Variants in ACO2 observed in about 807,000 individuals in gnomAD.
The protein encoded by ACO2 is aconitase 2.
ACO2 carries 31 observed loss-of-function variants against 84.5 expected under a neutral mutation model. The ratio of observed to expected loss-of-function variants is 0.37; its 90% CI spans 0.28 to 0.50. ACO2 has a LOEUF of 0.50. ACO2 is among the 20% of genes least tolerant of loss of function. ACO2 has a pLI of 0.97. For synonymous variants in ACO2, 414 were observed against 412.7 expected (o/e 1.00, Z -0.04); for missense variants, 685 against 1,029.3 (o/e 0.67, Z 4.58).
At chr22:41,493,375 G>A (rs1569006909) in intron 1 of ACO2, among the ~76,000 whole-genome samples, 1 of 152,072 alleles carries the variant, frequency 6.6e-6, no homozygotes, top group Admixed American at 6.6e-5. Context: ...AAAAAATACA[G>A]GGTAAGCATG....
rs1175993726 is a variant in ACO2, at chr22:41,500,652, T to C, written c.173+790T>C. The stretch of plus-strand genomic sequence containing the variant: ...AGCTTGCCTCGGCTTCCCAAAGTCC[T>C]GGGATTATAGACGTAAGCCACTGCG... On this transcript the variant is annotated intron_variant, in intron 2 of 17. Coordinates refer to ENST00000216254, the MANE Select transcript of ACO2 (RefSeq NM_001098.3). Among the ~76,000 whole-genome samples the C allele has an allele frequency of 2.6e-5, 4 of 152,056 alleles. No individual in the cohort carries two copies. In the East Asian group the frequency reaches 7.7e-4, roughly 29 times the overall value.
intron 1 of ACO2, among the ~76,000 whole-genome samples, chr22:41,476,124 T>G (rs544708249): frequency 5.9e-5 from 9 of 152,190 alleles, no homozygotes; most frequent in Admixed American, 2.0e-4. Context: ...TAAAGCATTG[T>G]GAGCCGGGTG....
Position 41,526,278 on chromosome 22 carries a change from C to T in ACO2, c.1778C>T (p.Thr593Ile). 6.2e-7 allele frequency: 1 copy of T among 1,612,248 alleles called. No homozygotes were observed. Among genetic ancestry groups the T allele is most frequent in the Non-Finnish European group, 8.5e-7 (1 of 1,179,956 alleles). Residue 593 changes from threonine to isoleucine, a missense_variant, in exon 15 of 18, where the codon ACC becomes ATC. Transcript: ENST00000216254. The part of the protein sequence containing the change: ...QILIKVKGKC[T>I]TDHISAAGPW... ...CCACCCAAGGTCAAAGGGAAGTGTA[C>T]CACTGACCACATCTCAGCTGCTGGC...
chr22:41,523,361 G>T, intron 11 of ACO2, 83 bp downstream of exon 11: 3 of 1,116,664 alleles, frequency 2.7e-6, no homozygotes, highest in Non-Finnish European at 3.8e-6. Flanking sequence ...TTATTGGGGT[G>T]GAGAGAAGAG....
chr22:41,500,192 G>A (rs2066343837), intron 2 of ACO2, among the ~76,000 whole-genome samples: 1 of 152,096 alleles, frequency 6.6e-6, no homozygotes, highest in Admixed American at 6.6e-5. Flanking sequence ...AAGCCACCAG[G>A]CCCAGTGCCT....
rs778052352 is a variant in ACO2, at chr22:41,523,912, G to A, written c.1453G>A (p.Glu485Lys). Residue 485 changes from glutamate to lysine, a missense_variant, in exon 12 of 18, where the codon GAG (glutamate) becomes AAG (lysine). Glu to Lys is a moderately conservative substitution (Grantham distance 56, BLOSUM62 1). Transcript: ENST00000216254. ...CACGGGCCGCAACGACGCAAACCCC[G>A]AGACCCATGCCTTTGTCACGTCCCC... ...NFTGRNDANP[E>K]THAFVTSPEI... 10 of 1,612,898 alleles carry A rather than the reference G, an allele frequency of 6.2e-6. No individual in the cohort carries two copies. Among genetic ancestry groups the A allele is most frequent in the Admixed American group, 1.7e-5 (1 of 60,002 alleles).
rs184740525 is a variant in ACO2, at chr22:41,498,531, C to T, written c.37-1195C>T. On this transcript the variant is annotated intron_variant, in intron 1 of 17. Coordinates refer to ENST00000216254, the MANE Select transcript of ACO2 (RefSeq NM_001098.3). ...ATGTCAGCCGGGGCTAGCCATCTGACGGGTTGAACCGGGGCTGGAGCATTC... is the reference window on the plus strand; with the variant it reads ...ATGTCAGCCGGGGCTAGCCATCTGATGGGTTGAACCGGGGCTGGAGCATTC... Among the ~76,000 whole-genome samples the T allele has an allele frequency of 2.9e-3, 447 of 152,272 alleles. 4 individuals are homozygous for T. Among genetic ancestry groups the T allele is most frequent in the African/African-American group, 0.01 (430 of 41,548 alleles).
At chr22:41,475,006 C>T (rs1350090739) in intron 1 of ACO2, among the ~76,000 whole-genome samples, 4 of 151,950 alleles carry the variant, frequency 2.6e-5, no homozygotes, top group African/African-American at 7.3e-5. Context: ...AGCCAGATGA[C>T]GTCAAGTGTC....
intron 1 of ACO2, among the ~76,000 whole-genome samples, chr22:41,471,337 A>G (rs1470502840): frequency 6.6e-6 from 1 of 152,210 alleles, no homozygotes. Context: ...TGCAGTTTGC[A>G]CACTGCCTCC....
At chr22:41,475,071 C>A (rs371119836) in intron 1 of ACO2, among the ~76,000 whole-genome samples, 173 of 150,188 alleles carry the variant, frequency 1.2e-3, no homozygotes, top group African/African-American at 4.1e-3. Context: ...CATGTGGACT[C>A]TGTCCTATCT....
intron 1 of ACO2, among the ~76,000 whole-genome samples, chr22:41,492,531 T>C (rs1458114845): frequency 6.6e-6 from 1 of 152,098 alleles, no homozygotes; most frequent in African/African-American, 2.4e-5. Flanking sequence ...CCGAATACTT[T>C]GAGAGGCAGA....
chr22:41,471,534 A>G (rs374080894), intron 1 of ACO2, among the ~76,000 whole-genome samples: 26 of 152,240 alleles, frequency 1.7e-4, no homozygotes, highest in South Asian at 6.2e-4. Context: ...TGAGCGCCCA[A>G]TGCTTGTTCT....
chr22:41,494,698 A>G (rs1416974016), intron 1 of ACO2, among the ~76,000 whole-genome samples: 1 of 150,954 alleles, frequency 6.6e-6, no homozygotes, highest in Non-Finnish European at 1.5e-5. Flanking sequence ...GGCGTGAGCC[A>G]CTGCGCCAGG....
intron 12 of ACO2, among the ~76,000 whole-genome samples, 171 bp from the exon 13 acceptor site, chr22:41,524,675 C>T (rs1330647906): frequency 6.6e-6 from 1 of 152,226 alleles, no homozygotes; most frequent in Non-Finnish European, 1.5e-5. Context: ...CCCAAGGCCC[C>T]GTGGTCCCAA....
chr22:41,503,936 G>A (rs545382817), intron 2 of ACO2, among the ~76,000 whole-genome samples: 14 of 152,296 alleles, frequency 9.2e-5, no homozygotes, highest in Admixed American at 3.9e-4. Context: ...TATTCTAGCC[G>A]GGTATGGTAG....
intron 1 of ACO2, among the ~76,000 whole-genome samples, chr22:41,477,449 G>A (rs545015589): frequency 1.3e-4 from 19 of 151,706 alleles, no homozygotes; most frequent in Non-Finnish European, 2.4e-4. Flanking sequence ...GTGAGCCACC[G>A]CACCCGACCT....
chr22:41,510,314 T>C (rs986741640), intron 3 of ACO2, among the ~76,000 whole-genome samples: 2 of 152,090 alleles, frequency 1.3e-5, no homozygotes, highest in African/African-American at 4.8e-5. Context: ...AGACGTGTAG[T>C]CACATGCGCC....
At chr22:41,480,352 G>C (rs1957551584) in intron 1 of ACO2, among the ~76,000 whole-genome samples, 1 of 152,206 alleles carries the variant, frequency 6.6e-6, no homozygotes, top group African/African-American at 2.4e-5. Flanking sequence ...GAGACAGCTT[G>C]GCTAGGTTGG....
chr22:41,516,148 C>CTTCCTAACTG, intron 6 of ACO2: 1 of 652,440 alleles, frequency 1.5e-6, no homozygotes, highest in South Asian at 1.8e-5. Context: ...CTGCCGGTGA[C>CTTCCTAACTG]TTCCTAACTG....
Sources: allele counts gnomAD v4.1 joint callset (sites outside exome capture counted in the v4.1 genomes callset), GRCh38; gene constraint gnomAD v4.1.1; transcripts MANE v1.5; gene names NCBI Gene and HGNC (gene_info 2026-07-23, HGNC 2026-07-21).